The following INSL6 variants were observed in gnomAD, a reference collection of about 807,000 sequenced individuals.
The protein encoded by INSL6 is insulin-like peptide INSL6.
A neutral mutation model predicts 9.4 loss-of-function variants in INSL6; 16 were observed. The observed-to-expected ratio is 1.70, with a 90% CI of 1.15 to 2.59. INSL6 has a LOEUF of 2.59. Among genes scored for constraint, INSL6 ranks in the 30% most tolerant of loss-of-function variants. The probability of loss-of-function intolerance (pLI) is 0.00; values close to 1 mark genes in which losing one functional copy is unlikely to be tolerated. For missense variants in INSL6, 391 were observed against 257.3 expected, an observed-to-expected ratio of 1.52 and a Z score of -3.56; for synonymous variants, 154 against 96.9, an observed-to-expected ratio of 1.59 and a Z score of -3.46.
At chr9:5,159,412 C>T (rs1004953432), downstream of INSL6, among the ~76,000 whole-genome samples, 4 of 151,504 alleles carry the variant, frequency 2.6e-5, no homozygotes, top group Admixed American at 2.0e-4. Flanking sequence ...AAGAAACACG[C>T]TTCATGTATA....
the INSL6 span, among the ~76,000 whole-genome samples, chr9:5,005,677 G>T: frequency 4.6e-5 from 7 of 152,236 alleles, no homozygotes; most frequent in Non-Finnish European, 1.0e-4. Context: ...CTCATTTTAA[G>T]AATGTGGGTA....
chr9:5,160,527 T>C (rs1434522473), downstream of INSL6, among the ~76,000 whole-genome samples: 3 of 152,014 alleles, frequency 2.0e-5, no homozygotes, highest in African/African-American at 2.4e-5. Context: ...AACCTAATGA[T>C]ACACCTTAAA....
the INSL6 span, chr9:5,069,802 A>G: frequency 2.1e-6 from 1 of 476,892 alleles, no homozygotes; most frequent in African/African-American, 2.0e-5. Flanking sequence ...ATTATAAAAA[A>G]AGAACAATTA....
chr9:5,081,618 T>G, the INSL6 span: 1 of 700,946 alleles, frequency 1.4e-6, no homozygotes, highest in South Asian at 2.0e-5. Flanking sequence ...CCTGTATCAT[T>G]TAGTATTTTT....
At chr9:5,043,020 C>T in the INSL6 span, among the ~76,000 whole-genome samples, 1 of 151,856 alleles carries the variant, frequency 6.6e-6, no homozygotes, top group Non-Finnish European at 1.5e-5. Flanking sequence ...GCGGCTCGGC[C>T]CCTGGGCCCT....
At chr9:5,070,550 T>A in the INSL6 span, among the ~76,000 whole-genome samples, 324 of 152,202 alleles carry the variant, frequency 2.1e-3, 2 homozygotes, top group African/African-American at 7.2e-3. Context: ...GAACACTGTA[T>A]TTCTTTTTTT....
chr9:5,166,600 C>G (rs1825056921), intron 1 of INSL6, among the ~76,000 whole-genome samples: 1 of 151,920 alleles, frequency 6.6e-6, no homozygotes, highest in African/African-American at 2.4e-5. Flanking sequence ...ATACAAGATG[C>G]CTTAACTGGT....
the INSL6 span, chr9:5,041,801 G>C: frequency 2.1e-6 from 1 of 485,922 alleles, no homozygotes; most frequent in South Asian, 1.5e-5. Flanking sequence ...ACAAAGATCA[G>C]CCGCACAGCA....
the INSL6 span, among the ~76,000 whole-genome samples, chr9:5,088,925 A>G: frequency 1.3e-5 from 2 of 152,234 alleles, no homozygotes; most frequent in Non-Finnish European, 2.9e-5. Flanking sequence ...GCTTCATTAT[A>G]TAAATTTTGG....
chr9:5,032,490 A>G, the INSL6 span, among the ~76,000 whole-genome samples: 1 of 152,132 alleles, frequency 6.6e-6, no homozygotes, highest in East Asian at 1.9e-4. Context: ...ACTGGGAGGC[A>G]CCCCCAAGTA....
At chr9:5,104,079 G>A in the INSL6 span, among the ~76,000 whole-genome samples, 1 of 152,168 alleles carries the variant, frequency 6.6e-6, no homozygotes, top group Non-Finnish European at 1.5e-5. Context: ...GAGCAGAACT[G>A]AAGGAGATAG....
the INSL6 span, chr9:5,098,458 A>G: frequency 6.6e-6 from 1 of 152,180 alleles, no homozygotes; most frequent in Non-Finnish European, 1.5e-5. Flanking sequence ...CTGGTTCTAT[A>G]CATTATTTCC....
chr9:5,081,993 G>A, the INSL6 span: 5 of 734,510 alleles, frequency 6.8e-6, no homozygotes, highest in Middle Eastern at 8.1e-4. Context: ...GTTGTCAGAT[G>A]TTGGAGAAAT....
At chr9:5,054,749 A>T in the INSL6 span, 1 of 1,613,370 alleles carries the variant, frequency 6.2e-7, no homozygotes, top group Admixed American at 1.7e-5. The surrounding 1 kb of genome is among the most constrained non-coding windows in gnomAD (Gnocchi z 4.9). Flanking sequence ...CCTTCTACAC[A>T]GAGAAATTTG....
downstream of INSL6, among the ~76,000 whole-genome samples, chr9:5,161,303 C>A (rs1824921242): frequency 1.3e-5 from 2 of 152,126 alleles, 1 homozygote; most frequent in South Asian, 4.1e-4. Context: ...TCATTGTGAT[C>A]TATCAAGAGA....
chr9:5,062,500 T>TCAAAA, the INSL6 span, among the ~76,000 whole-genome samples: 1 of 58,248 alleles, frequency 1.7e-5, no homozygotes, highest in African/African-American at 1.0e-4. Context: ...CTTCCATTTG[T>TCAAAA]AAAAAAAAAA....
At chr9:5,076,668 G>A in the INSL6 span, among the ~76,000 whole-genome samples, 3 of 152,090 alleles carry the variant, frequency 2.0e-5, no homozygotes, top group African/African-American at 4.8e-5. Context: ...TAATATCTTC[G>A]AGGTATGCCT....
At chr9:5,110,841 T>TGG in the INSL6 span, 1 of 460,996 alleles carries the variant, frequency 2.2e-6, no homozygotes, top group Admixed American at 2.6e-5. Flanking sequence ...TCGGGGAAGG[T>TGG]GGGGGGGACG....
chr9:5,104,126 C>G, the INSL6 span, among the ~76,000 whole-genome samples: 782 of 152,132 alleles, frequency 5.1e-3, 5 homozygotes, highest in African/African-American at 0.016. Flanking sequence ...AATCCAGGAG[C>G]TGGTTTTTCA....
Sources: gnomAD v4.1 joint callset for allele counts (sites outside exome capture counted in the v4.1 genomes callset) on GRCh38, gnomAD v4.1.1 for gene constraint, Gnocchi (gnomAD v3.1) non-coding constraint, MANE v1.5 for transcripts, NCBI Gene and HGNC (gene_info 2026-07-23, HGNC 2026-07-21) for gene names.